Variants in ASTN2 observed in about 807,000 individuals in gnomAD.
ASTN2 encodes the protein astrotactin 2.
Under a neutral mutation model 139.8 loss-of-function variants are expected in ASTN2, and 54 were observed. The ratio of observed to expected loss-of-function variants is 0.39; its 90% CI spans 0.31 to 0.48. ASTN2 has a LOEUF of 0.48. Ranked by LOEUF, ASTN2 falls within the 20% of genes least tolerant of loss-of-function variation. The pLI is 0.95. For missense variants in ASTN2, 1,565 were observed against 1,725.1 expected (o/e 0.91, Z 1.64); for synonymous variants, 756 against 719.5 (o/e 1.05, Z -0.81).
At chr9:117,188,322 A>C (rs1294017371) in intron 3 of ASTN2, among the ~76,000 whole-genome samples, 3 of 152,194 alleles carry the variant, frequency 2.0e-5, no homozygotes, top group Non-Finnish European at 4.4e-5. Flanking sequence ...TCCCCTAGTC[A>C]GGAAAGTTTA....
chr9:116,536,825 T>C (rs1160461109), intron 19 of ASTN2, among the ~76,000 whole-genome samples: 1 of 152,204 alleles, frequency 6.6e-6, no homozygotes, highest in Non-Finnish European at 1.5e-5. Flanking sequence ...GAGGAGGCAG[T>C]CTGTCTGTTC....
At chr9:116,599,860 T>A (rs141866041) in intron 19 of ASTN2, among the ~76,000 whole-genome samples, 1 of 152,272 alleles carries the variant, frequency 6.6e-6, no homozygotes, top group East Asian at 1.9e-4. Flanking sequence ...CTTTTCTTAT[T>A]TTCTCTCTTC....
intron 19 of ASTN2, among the ~76,000 whole-genome samples, chr9:116,535,134 T>C (rs1451629061): frequency 3.9e-5 from 6 of 152,226 alleles, no homozygotes; most frequent in Non-Finnish European, 8.8e-5. Context: ...TTTGTCTCTT[T>C]TGATCTTTAT....
At chr9:116,499,682 C>T (rs962455818) in intron 19 of ASTN2, among the ~76,000 whole-genome samples, 11 of 152,142 alleles carry the variant, frequency 7.2e-5, no homozygotes, top group Non-Finnish European at 2.9e-5. Flanking sequence ...ATAAGCATGG[C>T]TTCCTTTACC....
intron 1 of ASTN2, among the ~76,000 whole-genome samples, chr9:117,346,710 G>C (rs947716769): frequency 6.6e-6 from 1 of 152,142 alleles, no homozygotes; most frequent in Non-Finnish European, 1.5e-5. Flanking sequence ...CCAGTAGTGA[G>C]AGTGAACCTG....
chr9:117,034,797 G>A (rs1838336852), intron 6 of ASTN2, among the ~76,000 whole-genome samples: 1 of 152,144 alleles, frequency 6.6e-6, no homozygotes, highest in Non-Finnish European at 1.5e-5. Flanking sequence ...TTTCTTCAGT[G>A]TGTGCTTAGG....
chr9:117,081,378 C>A (rs1405383289), intron 5 of ASTN2, among the ~76,000 whole-genome samples: 2 of 151,964 alleles, frequency 1.3e-5, no homozygotes, highest in Non-Finnish European at 2.9e-5. Context: ...CCTTCACTTT[C>A]CAGTCTACAC....
chr9:117,165,091 A>G (rs1257127636), intron 3 of ASTN2, among the ~76,000 whole-genome samples: 1 of 151,752 alleles, frequency 6.6e-6, no homozygotes, highest in African/African-American at 2.4e-5. Context: ...GAGCTTTGTA[A>G]CTCCTACAGC....
intron 16 of ASTN2, among the ~76,000 whole-genome samples, chr9:116,723,366 CAT>C (rs1457484266): frequency 1.3e-5 from 2 of 152,190 alleles, no homozygotes; most frequent in Non-Finnish European, 2.9e-5. Flanking sequence ...TCATTTAACA[CAT>C]GAGGAAACTG....
intron 3 of ASTN2, among the ~76,000 whole-genome samples, chr9:117,161,208 A>G (rs1830543194): frequency 6.6e-6 from 1 of 151,966 alleles, no homozygotes; most frequent in East Asian, 1.9e-4. Context: ...TGGTAGTGGT[A>G]ATGATGATTA....
intron 3 of ASTN2, among the ~76,000 whole-genome samples, chr9:117,149,141 T>A (rs1830269941): frequency 6.6e-6 from 1 of 152,122 alleles, no homozygotes; most frequent in Non-Finnish European, 1.5e-5. Context: ...TGCCTCAGAC[T>A]CCCGAGTAGC....
intron 19 of ASTN2, chr9:116,610,981 A>G (rs1855508682): frequency 6.6e-6 from 1 of 152,180 alleles, no homozygotes; most frequent in South Asian, 2.1e-4. Flanking sequence ...ATACCCATAA[A>G]TAAGTGGATA....
At chr9:117,142,636 G>C (rs1830102417) in intron 3 of ASTN2, among the ~76,000 whole-genome samples, 1 of 152,094 alleles carries the variant, frequency 6.6e-6, no homozygotes, top group Admixed American at 6.5e-5. Flanking sequence ...CTGGTAGAAA[G>C]TTCAGTACAT....
chr9:117,064,126 T>C (rs1827862298), intron 5 of ASTN2, among the ~76,000 whole-genome samples: 1 of 151,828 alleles, frequency 6.6e-6, no homozygotes, highest in Non-Finnish European at 1.5e-5. Flanking sequence ...CAGGACGCGC[T>C]CACAACGCAG....
In ASTN2 at chr9:116,699,360, C is replaced by A; in HGVS notation, c.2806+26411G>T. The A allele has an allele frequency of 6.2e-7, 1 of 1,614,172 alleles. No homozygotes were observed. The highest frequency in any genetic ancestry group is 8.5e-7 in the Non-Finnish European group (1 of 1,180,034). On this transcript the variant is annotated intron_variant, in intron 16 of 22. Transcript: ENST00000313400. This position sits in a 1 kb window ranked among gnomAD's most constrained non-coding sequence, Gnocchi z 4.2. ...GGGCTTAGGCCTCAATCTGGAGAAT[C>A]GGCAGAATGAGCACCACCTGGAGGG...
chr9:116,840,701 CG>C lies in ASTN2; in HGVS notation c.2041-19919del, dbSNP rs1161035991. Among the ~76,000 whole-genome samples the C allele has an allele frequency of 2.6e-5, 3 of 114,126 alleles. No homozygotes were observed. The East Asian group carries it at 7.5e-4, about 29-fold the overall frequency. The allele number at this position is 114,126 out of a possible 152,430, so 74.9% of individuals were successfully genotyped here. A position where few individuals can be genotyped will look rare whatever the true frequency, so the allele number is the denominator to read the frequency against. On this transcript the variant is annotated intron_variant, in intron 11 of 22. Coordinates refer to ENST00000313400, the MANE Select transcript of ASTN2 (RefSeq NM_001365068.1). ...GCAGAGGGTCTCCTCACTTCTCAGA[CG>C]GGGCGTCCGGGCAGAGACGCTCCTC...
At chr9:117,283,225 G>A (rs774067499) in intron 2 of ASTN2, among the ~76,000 whole-genome samples, 4 of 152,070 alleles carry the variant, frequency 2.6e-5, no homozygotes, top group Non-Finnish European at 5.9e-5. Context: ...TGAAAAATAA[G>A]CATTTCCTAT....
chr9:116,498,166 C>T (rs1215523046), intron 19 of ASTN2, among the ~76,000 whole-genome samples: 1 of 152,178 alleles, frequency 6.6e-6, no homozygotes, highest in African/African-American at 2.4e-5. Context: ...ACAGCTACTA[C>T]CCAGCAAAGC....
intron 16 of ASTN2, among the ~76,000 whole-genome samples, chr9:116,723,585 G>A (rs1418878145): frequency 2.6e-5 from 4 of 152,128 alleles, no homozygotes; most frequent in Non-Finnish European, 4.4e-5. Flanking sequence ...ATAACTCATG[G>A]CCGGGGAGAA....
Sources: gnomAD v4.1 joint callset for allele counts (sites outside exome capture counted in the v4.1 genomes callset) on GRCh38, gnomAD v4.1.1 for gene constraint, Gnocchi (gnomAD v3.1) non-coding constraint, MANE v1.5 for transcripts, NCBI Gene and HGNC (gene_info 2026-07-23, HGNC 2026-07-21) for gene names.